The following CLIC5 variants were observed in gnomAD, a reference collection of about 807,000 sequenced individuals.
The protein encoded by CLIC5 is chloride intracellular channel protein 5.
Under a neutral mutation model 24.7 loss-of-function variants are expected in CLIC5, and 20 were observed. The observed-to-expected ratio is 0.81, with a 90% confidence interval of 0.57 to 1.18. The LOEUF (loss-of-function observed/expected upper bound fraction) is 1.18. Ranked by LOEUF, CLIC5 falls within the 50% of genes most tolerant of loss-of-function variation. The probability of loss-of-function intolerance (pLI) is 0.00; values close to 1 mark genes in which losing one functional copy is unlikely to be tolerated. For missense variants in CLIC5, 341 were observed against 326.1 expected, an observed-to-expected ratio of 1.05 and a Z score of -0.35; for synonymous variants, 159 against 135.6, an observed-to-expected ratio of 1.17 and a Z score of -1.20.
chr6:45,914,494 CT>C (rs1406717223), intron 4 of CLIC5, 85 bp from the exon 5 acceptor site: 17 of 1,380,390 alleles, frequency 1.2e-5, no homozygotes, highest in Non-Finnish European at 1.6e-5. Flanking sequence ...AGTAGCTCAT[CT>C]AGAATCCTGT....
At position 46,073,462 on chromosome 6, in the gene CLIC5, A is replaced by C. The variant is rs77148992; in HGVS notation, c.540+6241T>G. Among the ~76,000 whole-genome samples, 12 of 152,358 alleles carry C rather than the reference A, an allele frequency of 7.9e-5. No individual in the cohort carries two copies. The East Asian group carries it at 2.1e-3, about 27-fold the overall frequency. ...GACACATCCAGATGATCAGTTGAAG[A>C]GATACAGTGTTAATGATATATGATA... On this transcript the variant is annotated intron_variant, in intron 1 of 5. Transcript: ENST00000185206.
the CLIC5 span, among the ~76,000 whole-genome samples, chr6:46,105,220 G>A: frequency 6.6e-6 from 1 of 152,090 alleles, no homozygotes; most frequent in African/African-American, 2.4e-5. Flanking sequence ...GATCTTATGA[G>A]GTGGGAGAAT....
At chr6:46,080,213 A>G in exon 1 of CLIC5, 6 of 1,551,626 alleles carry the variant, frequency 3.9e-6, no homozygotes, top group Non-Finnish European at 5.2e-6. Context: ...GGATTGTGTC[A>G]TAGATGGTGC....
downstream of CLIC5, among the ~76,000 whole-genome samples, chr6:45,893,594 C>T (rs1275856540): frequency 3.3e-5 from 5 of 152,270 alleles, no homozygotes; most frequent in South Asian, 2.1e-4. Flanking sequence ...CATCCACACT[C>T]GTCGTCCCTA....
At chr6:46,029,007 T>C (rs904009900) in intron 1 of CLIC5, among the ~76,000 whole-genome samples, 1 of 152,228 alleles carries the variant, frequency 6.6e-6, no homozygotes, top group East Asian at 1.9e-4. Context: ...AAACCACTGA[T>C]CTTTTACTGT....
At chr6:45,940,683 AG>A (rs1390780013) in intron 4 of CLIC5, among the ~76,000 whole-genome samples, 7 of 152,188 alleles carry the variant, frequency 4.6e-5, no homozygotes, top group Non-Finnish European at 8.8e-5. Flanking sequence ...CCAGCCTGTG[AG>A]GCTGTCCTGT....
intron 1 of CLIC5, among the ~76,000 whole-genome samples, chr6:46,032,392 G>A (rs185891919): frequency 2.6e-5 from 4 of 152,326 alleles, no homozygotes; most frequent in South Asian, 2.1e-4. Context: ...AATCCAAACC[G>A]TATCAAGTGG....
intron 1 of CLIC5, among the ~76,000 whole-genome samples, chr6:45,974,171 A>T (rs147988732): frequency 6.6e-6 from 1 of 151,936 alleles, no homozygotes; most frequent in Non-Finnish European, 1.5e-5. Flanking sequence ...ATATAGTTTT[A>T]TATATAAAAC....
chr6:46,045,982 G>A (rs1033036416), intron 1 of CLIC5, among the ~76,000 whole-genome samples: 4 of 152,156 alleles, frequency 2.6e-5, no homozygotes, highest in Admixed American at 2.6e-4. Context: ...CGCCTTACCT[G>A]TGTAAAGGCA....
In CLIC5 at chr6:45,914,240, G is replaced by A. The variant is rs771307013; in HGVS notation, c.576C>T (p.Leu192=). Residue 192 remains leucine, a synonymous_variant, in exon 5 of 6, where the codon CTC becomes CTT. Transcript: ENST00000339561. ...TLADCNLLPK[L]HVVKIVAKKY... ...AGAGCTCTCTTACCTTGACCACATG[G>A]AGCTTGGGCAACAGATTGCAGTCAG... is the stretch of plus-strand genomic sequence containing the variant. 1.5e-5 allele frequency: 24 copies of A among 1,596,720 alleles called. No individual in the cohort carries two copies. Among genetic ancestry groups the A allele is most frequent in the Middle Eastern group, 1.7e-4 (1 of 5,988 alleles).
chr6:45,980,071 T>C (rs2144162), intron 1 of CLIC5, among the ~76,000 whole-genome samples: 40,844 of 151,674 alleles, frequency 0.27, 6,614 homozygotes, highest in Middle Eastern at 0.43. Flanking sequence ...TGAGTTAATT[T>C]TTGTATGTGG....
At position 45,976,867 on chromosome 6, in the gene CLIC5, A is replaced by G. The variant is rs576599302; in HGVS notation, c.64-21623T>C. On this transcript the variant is annotated intron_variant, in intron 1 of 5. Coordinates refer to ENST00000339561, the MANE Select transcript of CLIC5 (RefSeq NM_016929.5). ...TTGTCGGAAAATAACACTAACAACA[A>G]CAAAAGGGATATTGCTGATGCTTTT... 3.3e-5 allele frequency among the ~76,000 whole-genome samples: 5 copies of G among 152,300 alleles called. No individual in the cohort carries two copies. The East Asian group carries it at 7.7e-4, about 23-fold the overall frequency.
chr6:45,949,872 T>C (rs1163790249), intron 2 of CLIC5, among the ~76,000 whole-genome samples: 1 of 152,208 alleles, frequency 6.6e-6, no homozygotes, highest in Non-Finnish European at 1.5e-5. Context: ...GTTAGATGCT[T>C]CTATTGTGTG....
chr6:46,106,729 C>A, the CLIC5 span, among the ~76,000 whole-genome samples: 1 of 152,192 alleles, frequency 6.6e-6, no homozygotes, highest in Non-Finnish European at 1.5e-5. Flanking sequence ...TATTTTTAAT[C>A]TTCCTCTAAC....
chr6:46,020,287 C>T (rs910897083), upstream of CLIC5, among the ~76,000 whole-genome samples: 2 of 152,088 alleles, frequency 1.3e-5, no homozygotes, highest in Admixed American at 6.5e-5. Context: ...CAAAACACTT[C>T]CAGTTATTTG....
intron 6 of CLIC5, among the ~76,000 whole-genome samples, chr6:45,883,362 G>A (rs574228313): frequency 2.0e-5 from 3 of 152,050 alleles, no homozygotes; most frequent in South Asian, 4.2e-4. Flanking sequence ...TAGCCATTCC[G>A]ATAATAAACC....
chr6:45,903,589 A>G (rs140566948), intron 5 of CLIC5, among the ~76,000 whole-genome samples: 89 of 152,360 alleles, frequency 5.8e-4, no homozygotes, highest in African/African-American at 1.1e-3. Flanking sequence ...GCACAGCGCC[A>G]AAGTCCAACA....
upstream of CLIC5, among the ~76,000 whole-genome samples, chr6:46,084,332 T>C (rs1489297555): frequency 6.6e-6 from 1 of 152,180 alleles, no homozygotes; most frequent in Non-Finnish European, 1.5e-5. Flanking sequence ...TGTTAGCTGG[T>C]TATTTTGCTC....
intron 1 of CLIC5, among the ~76,000 whole-genome samples, chr6:45,958,354 C>T (rs751217390): frequency 3.4e-5 from 5 of 148,838 alleles, no homozygotes; most frequent in Non-Finnish European, 7.4e-5. Context: ...GTTTCTGCTG[C>T]TATCAGCTAT....
Sources: allele counts gnomAD v4.1 joint callset (sites outside exome capture counted in the v4.1 genomes callset), GRCh38; gene constraint gnomAD v4.1.1; transcripts MANE v1.5; gene names NCBI Gene and HGNC (gene_info 2026-07-23, HGNC 2026-07-21).